Variants in ABTB3 observed in about 807,000 individuals in gnomAD.
ABTB3 encodes ankyrin repeat and BTB domain containing 3.
At chr12:107,633,458 T>G in the ABTB3 span, among the ~76,000 whole-genome samples, 7 of 152,226 alleles carry the variant, frequency 4.6e-5, no homozygotes, top group Non-Finnish European at 8.8e-5. Context: ...GCTTTTGCCA[T>G]GTAAAGTAAC....
chr12:107,508,434 A>ATTTTTTTT, the ABTB3 span, among the ~76,000 whole-genome samples: 7 of 58,738 alleles, frequency 1.2e-4, no homozygotes, highest in African/African-American at 2.1e-4. Flanking sequence ...CTCAAAGATC[A>ATTTTTTTT]TTTCTTTTTT....
the ABTB3 span, among the ~76,000 whole-genome samples, chr12:107,598,789 G>C: frequency 6.6e-6 from 1 of 152,128 alleles, no homozygotes; most frequent in Non-Finnish European, 1.5e-5. Flanking sequence ...TACAGACAAG[G>C]AAACTAAAGC....
chr12:107,457,704 G>T, the ABTB3 span, among the ~76,000 whole-genome samples: 2 of 152,202 alleles, frequency 1.3e-5, no homozygotes, highest in Non-Finnish European at 2.9e-5. Flanking sequence ...GTCACCCAGG[G>T]CCCTGGAGGC....
the ABTB3 span, chr12:107,617,695 C>T: frequency 4.2e-6 from 2 of 480,526 alleles, no homozygotes; most frequent in South Asian, 3.8e-5. Context: ...CACTCTTGGT[C>T]GGTTTTGCTC....
the ABTB3 span, among the ~76,000 whole-genome samples, chr12:107,356,879 T>C: frequency 6.6e-6 from 1 of 152,238 alleles, no homozygotes; most frequent in African/African-American, 2.4e-5. Flanking sequence ...ACAGGGCTTA[T>C]GCCACTGAAT....
chr12:107,556,515 C>T, the ABTB3 span, among the ~76,000 whole-genome samples: 3 of 152,200 alleles, frequency 2.0e-5, no homozygotes, highest in Non-Finnish European at 4.4e-5. Context: ...GTGCAGAGTT[C>T]ACCCTCTCAA....
chr12:107,626,851 TAG>T, the ABTB3 span, among the ~76,000 whole-genome samples: 1 of 152,078 alleles, frequency 6.6e-6, no homozygotes, highest in Admixed American at 6.5e-5. Context: ...AACTACCAAA[TAG>T]ACATAGGATC....
chr12:107,367,694 G>A, the ABTB3 span, among the ~76,000 whole-genome samples: 1 of 151,916 alleles, frequency 6.6e-6, no homozygotes, highest in Non-Finnish European at 1.5e-5. Flanking sequence ...TAGTAGAGAC[G>A]GGATTTTACC....
the ABTB3 span, chr12:107,581,403 C>T: frequency 8.6e-6 from 9 of 1,048,568 alleles, no homozygotes; most frequent in South Asian, 8.3e-5. Context: ...GCCTGAGCCC[C>T]GCACACCTCG....
chr12:107,501,689 G>A, the ABTB3 span, among the ~76,000 whole-genome samples: 1 of 151,950 alleles, frequency 6.6e-6, no homozygotes, highest in African/African-American at 2.4e-5. Flanking sequence ...GACAGAGTGA[G>A]ACTCCATCTC....
the ABTB3 span, among the ~76,000 whole-genome samples, chr12:107,656,539 G>A: frequency 2.0e-4 from 31 of 152,224 alleles, no homozygotes; most frequent in Admixed American, 2.0e-3. Context: ...TTGGCCTTCA[G>A]GCCTATAGTT....
At chr12:107,496,847 C>G in the ABTB3 span, among the ~76,000 whole-genome samples, 1 of 152,138 alleles carries the variant, frequency 6.6e-6, no homozygotes, top group Non-Finnish European at 1.5e-5. Flanking sequence ...ACTGGGGCAG[C>G]CTGGCTGTAG....
At chr12:107,501,701 A>G in the ABTB3 span, among the ~76,000 whole-genome samples, 2 of 152,066 alleles carry the variant, frequency 1.3e-5, no homozygotes, top group Non-Finnish European at 2.9e-5. Flanking sequence ...CTCCATCTCA[A>G]AAACAAAAAA....
At chr12:107,525,346 A>AAAAAAAAAG in the ABTB3 span, among the ~76,000 whole-genome samples, 2 of 150,960 alleles carry the variant, frequency 1.3e-5, no homozygotes, top group East Asian at 3.9e-4. Flanking sequence ...AAAAAAAAAA[A>AAAAAAAAAG]AAAAGAAAGA....
the ABTB3 span, among the ~76,000 whole-genome samples, chr12:107,492,087 T>C: frequency 1.3e-4 from 20 of 152,046 alleles, no homozygotes; most frequent in African/African-American, 4.8e-4. Context: ...CAGGGTGAAG[T>C]CGTGGGAGAG....
the ABTB3 span, among the ~76,000 whole-genome samples, chr12:107,545,166 G>A: frequency 6.6e-6 from 1 of 152,170 alleles, no homozygotes; most frequent in African/African-American, 2.4e-5. Flanking sequence ...ACAAAACCAT[G>A]TCTCTTGGCT....
At chr12:107,641,234 A>G in the ABTB3 span, among the ~76,000 whole-genome samples, 2 of 152,198 alleles carry the variant, frequency 1.3e-5, no homozygotes, top group Non-Finnish European at 2.9e-5. Flanking sequence ...CCACTGCAAG[A>G]AAAATTTGTT....
At chr12:107,645,791 C>T in the ABTB3 span, among the ~76,000 whole-genome samples, 72 of 152,314 alleles carry the variant, frequency 4.7e-4, no homozygotes, top group African/African-American at 1.7e-3. Context: ...CGGAGGAATC[C>T]CGAGGCCTGT....
At chr12:107,409,360 T>C in the ABTB3 span, among the ~76,000 whole-genome samples, 1 of 152,208 alleles carries the variant, frequency 6.6e-6, no homozygotes, top group African/African-American at 2.4e-5. Flanking sequence ...AGTTCAACCA[T>C]TGTGGAAAAC....
Sources: allele counts gnomAD v4.1 joint callset (sites outside exome capture counted in the v4.1 genomes callset), GRCh38; gene constraint gnomAD v4.1.1; transcripts MANE v1.5; gene names NCBI Gene and HGNC (gene_info 2026-07-23, HGNC 2026-07-21).